GTF3C5: variants seen among roughly 807,000 people sequenced by gnomAD.
The protein encoded by GTF3C5 is general transcription factor IIIC subunit 5.
In GTF3C5, 47 loss-of-function variants were observed where a neutral mutation model predicts 61.0. The observed-to-expected ratio is 0.77, with a 90% CI of 0.61 to 0.98. The LOEUF is 0.98. GTF3C5 is among the 50% of genes least tolerant of loss of function. GTF3C5 has a pLI of 0.00. For synonymous variants in GTF3C5, 295 were observed against 275.4 expected, an observed-to-expected ratio of 1.07 and a Z score of -0.71; for missense variants, 659 against 703.3, an observed-to-expected ratio of 0.94 and a Z score of 0.71.
At position 133,056,759 on chromosome 9, in the gene GTF3C5, C is replaced by T; in HGVS notation, c.1251-7C>T. 6.3e-7 allele frequency: 1 copy of T among 1,591,764 alleles called. No homozygotes were observed. The highest frequency in any genetic ancestry group is 8.6e-7 in the Non-Finnish European group (1 of 1,168,256). ...ACTTTATGTCCCAACCCTCTCCCCA[C>T]CCCCAGGTTGCAGAAGATCATTCAC... On this transcript the variant is annotated splice_polypyrimidine_tract_variant and splice_region_variant and intron_variant, in intron 9 of 10. Coordinates refer to ENST00000372097, the MANE Select transcript of GTF3C5 (RefSeq NM_012087.4).
intron 3 of GTF3C5, among the ~76,000 whole-genome samples, chr9:133,046,999 G>A (rs557294933): frequency 2.6e-5 from 4 of 152,262 alleles, no homozygotes; most frequent in African/African-American, 7.2e-5. Context: ...GCAGAAAGGT[G>A]GAGAGAATTG....
chr9:133,044,856 A>G (rs989754606), intron 3 of GTF3C5, among the ~76,000 whole-genome samples: 1 of 151,996 alleles, frequency 6.6e-6, no homozygotes, highest in African/African-American at 2.4e-5. Flanking sequence ...ACCGAGAGCT[A>G]TGAAAAGCCA....
Position 133,052,093 on chromosome 9 carries a change from G to T in GTF3C5, c.802G>T (p.Ala268Ser). 6.2e-7 allele frequency: 1 copy of T among 1,608,810 alleles called. No individual in the cohort carries two copies. Among genetic ancestry groups the T allele is most frequent in the Non-Finnish European group, 8.5e-7 (1 of 1,177,078 alleles). The change falls in exon 5 of 11, where the codon GCT becomes TCT. Residue 268 changes from alanine (A) to serine (S), a missense_variant. Ala to Ser is a moderately conservative substitution (Grantham distance 99, BLOSUM62 1). Transcript: ENST00000372097. ...CATCCGTCCCATCTGGTCCCGAAAT[G>T]CTGTCAAGGCCAACATCAGCGTCCA... ...FDIRPIWSRNAVKANISVHPD... is the reference protein window; with the variant it reads ...FDIRPIWSRNSVKANISVHPD...
At chr9:133,043,964 T>A in intron 3 of GTF3C5, 38 bp downstream of exon 3, 1 of 1,501,226 alleles carries the variant, frequency 6.7e-7, no homozygotes, top group Non-Finnish European at 9.2e-7. Flanking sequence ...TTCTCTATCC[T>A]GAAAATGGGA....
In GTF3C5 at chr9:133,031,939, A is replaced by G. The variant is rs543872678; in HGVS notation, c.153+775A>G. On this transcript the variant is annotated intron_variant, in intron 1 of 10. Transcript: ENST00000372097. ...AAGCTAGGAAGGGGTTGTTTACTGA[A>G]ACTAGGGGCAAGGAGGCGTAAAGAA... Among the ~76,000 whole-genome samples the G allele has an allele frequency of 2.9e-4, 44 of 152,292 alleles. No individual in the cohort carries two copies. The South Asian group carries it at 8.9e-3, about 31-fold the overall frequency.
intron 3 of GTF3C5, among the ~76,000 whole-genome samples, chr9:133,047,010 G>C (rs1850228563): frequency 6.6e-6 from 1 of 152,154 alleles, no homozygotes; most frequent in Non-Finnish European, 1.5e-5. Context: ...GAGAGAATTG[G>C]ATTGTCTAGT....
intron 1 of GTF3C5, among the ~76,000 whole-genome samples, chr9:133,040,428 A>G (rs1850003386): frequency 6.6e-6 from 1 of 152,236 alleles, no homozygotes; most frequent in Non-Finnish European, 1.5e-5. Context: ...GCAAGTATTC[A>G]TTCATATGTA....
At chr9:133,038,536 C>T (rs568568998) in intron 1 of GTF3C5, among the ~76,000 whole-genome samples, 6 of 150,990 alleles carry the variant, frequency 4.0e-5, no homozygotes, top group East Asian at 3.9e-4. Context: ...CTGTAACCTC[C>T]GCCTCCCGGG....
intron 1 of GTF3C5, among the ~76,000 whole-genome samples, chr9:133,032,711 G>GT (rs149630444): frequency 2.8e-4 from 43 of 152,254 alleles, no homozygotes; most frequent in African/African-American, 9.6e-4. Context: ...CAGGCACAGG[G>GT]TATGATACAA....
At chr9:133,054,564 A>G in intron 7 of GTF3C5, 76 bp downstream of exon 7, 5 of 1,481,784 alleles carry the variant, frequency 3.4e-6, no homozygotes, top group Non-Finnish European at 4.7e-6. Flanking sequence ...CCAGACGGGG[A>G]GGTGGTTCCT....
chr9:133,054,042 AT>A, intron 6 of GTF3C5, 100 bp downstream of exon 6: 2 of 853,700 alleles, frequency 2.3e-6, no homozygotes, highest in Non-Finnish European at 1.8e-6. Context: ...TTTGGAAAGA[AT>A]AAAAAAACCT....
At chr9:133,041,484 G>A (rs533216608) in intron 1 of GTF3C5, among the ~76,000 whole-genome samples, 30 of 152,222 alleles carry the variant, frequency 2.0e-4, no homozygotes, top group East Asian at 1.4e-3. Flanking sequence ...TGTCTGCCTC[G>A]GCTGCCAGGC....
intron 1 of GTF3C5, among the ~76,000 whole-genome samples, chr9:133,037,697 A>G (rs1214939233): frequency 6.6e-6 from 1 of 152,130 alleles, no homozygotes; most frequent in Non-Finnish European, 1.5e-5. Flanking sequence ...TTCCTGCTTC[A>G]GGGATTAGCA....
Position 133,050,989 on chromosome 9 carries a change from C to T in GTF3C5, c.768+11C>T, listed in dbSNP as rs145102843. The T allele has an allele frequency of 7.7e-4, 1,220 of 1,581,336 alleles. 6 individuals carry two copies. The Middle Eastern group carries it at 0.018, about 23-fold the overall frequency. ...GAGGAGCTGAGGAAGGCAAGTCCTG[C>T]GCTGCGCCTGGCCCCGGTGGCTCCA... is the stretch of plus-strand genomic sequence containing the variant. On this transcript the variant is annotated intron_variant, in intron 4 of 10. Transcript: ENST00000372097.
chr9:133,032,846 T>C, intron 1 of GTF3C5, among the ~76,000 whole-genome samples: 1 of 152,194 alleles, frequency 6.6e-6, no homozygotes, highest in Middle Eastern at 3.2e-3. Flanking sequence ...ATCCCAGAAT[T>C]TTAAGCTAGC....
intron 1 of GTF3C5, among the ~76,000 whole-genome samples, chr9:133,034,898 A>G (rs541616614): frequency 1.3e-5 from 2 of 152,326 alleles, no homozygotes; most frequent in African/African-American, 4.8e-5. Flanking sequence ...ATAGCATTTC[A>G]TAAGGGGATA....
At chr9:133,049,404 G>A (rs1466667604) in intron 3 of GTF3C5, among the ~76,000 whole-genome samples, 1 of 152,174 alleles carries the variant, frequency 6.6e-6, no homozygotes, top group East Asian at 1.9e-4. Flanking sequence ...TTCTAGTTTT[G>A]TTTCACAATG....
intron 1 of GTF3C5, among the ~76,000 whole-genome samples, chr9:133,031,876 A>G (rs1849743320): frequency 2.0e-5 from 3 of 152,162 alleles, no homozygotes; most frequent in African/African-American, 7.2e-5. Flanking sequence ...GTTACAGAGC[A>G]GGTGACTCAG....
At chr9:133,042,021 G>T in intron 1 of GTF3C5, 66 bp from the exon 2 acceptor site, 1 of 1,076,430 alleles carries the variant, frequency 9.3e-7, no homozygotes, top group South Asian at 1.3e-5. Flanking sequence ...ATTGAGAGAG[G>T]AGCAGCTCCC....
Sources: allele counts gnomAD v4.1 joint callset (sites outside exome capture counted in the v4.1 genomes callset), GRCh38; gene constraint gnomAD v4.1.1; transcripts MANE v1.5; gene names NCBI Gene and HGNC (gene_info 2026-07-23, HGNC 2026-07-21).